Variants in PCLO observed in about 807,000 individuals in gnomAD.
PCLO encodes piccolo presynaptic cytomatrix protein.
Under a neutral mutation model 427.5 loss-of-function variants are expected in PCLO, and 82 were observed. The observed-to-expected ratio is 0.19, with a 90% CI of 0.16 to 0.23. The LOEUF is 0.23. Among genes scored for constraint, PCLO ranks in the 10% least tolerant of loss-of-function variants. The probability of loss-of-function intolerance (pLI) is 1.00; values close to 1 mark genes in which losing one functional copy is unlikely to be tolerated. For missense variants in PCLO, 6,239 were observed against 6,115.9 expected (o/e 1.02, Z -0.67); for synonymous variants, 2,357 against 2,155.4 (o/e 1.09, Z -2.59).
At position 82,993,549 on chromosome 7, in the gene PCLO, T is replaced by C. The variant is rs529519627; in HGVS notation, c.3301-27062A>G. 3.9e-5 allele frequency among the ~76,000 whole-genome samples: 6 copies of C among 152,160 alleles called. 1 individual carries two copies. Among genetic ancestry groups the C allele is most frequent in the African/African-American group, 1.4e-4 (6 of 41,544 alleles). Reference sequence around the variant, plus strand: ...CGGTAGGAAAAATAGTGGAAATAATTAACAAGCAGCAAATGAGACTTTTTT... The same window carrying C: ...CGGTAGGAAAAATAGTGGAAATAATCAACAAGCAGCAAATGAGACTTTTTT... On this transcript the variant is annotated intron_variant, in intron 3 of 24. Transcript: ENST00000333891.
At chr7:82,771,259 A>C (rs1053391429) in intron 22 of PCLO, among the ~76,000 whole-genome samples, 1 of 151,874 alleles carries the variant, frequency 6.6e-6, no homozygotes, top group Non-Finnish European at 1.5e-5. Flanking sequence ...AATGACTATA[A>C]ATGTTTGAGT....
Position 83,157,036 on chromosome 7 carries a change from T to C in PCLO, c.249-644A>G, listed in dbSNP as rs182978382. The stretch of plus-strand genomic sequence containing the variant: ...CAGGAATGCTAAAAAGTTTATAATC[T>C]ATTTAATTTTACTTGGGCTTCTAGT... On this transcript the variant is annotated intron_variant, in intron 1 of 24. Transcript: ENST00000333891. Among the ~76,000 whole-genome samples, 981 of 152,304 alleles carry C rather than the reference T, an allele frequency of 6.4e-3. 9 individuals carry two copies. Among genetic ancestry groups the C allele is most frequent in the Middle Eastern group, 0.01 (3 of 294 alleles).
chr7:82,976,990 G>A (rs554752033), intron 3 of PCLO, among the ~76,000 whole-genome samples: 17 of 152,198 alleles, frequency 1.1e-4, no homozygotes, highest in Admixed American at 9.2e-4. Context: ...AAAGTTCTGG[G>A]ATTACAGGTA....
intron 9 of PCLO, among the ~76,000 whole-genome samples, chr7:82,900,505 T>C (rs1794011644): frequency 6.6e-6 from 1 of 151,176 alleles, no homozygotes; most frequent in Non-Finnish European, 1.5e-5. Flanking sequence ...TGAAATTTCA[T>C]TAACTTGGAA....
At chr7:82,833,640 A>T (rs534574419) in intron 16 of PCLO, among the ~76,000 whole-genome samples, 1 of 152,286 alleles carries the variant, frequency 6.6e-6, no homozygotes, top group East Asian at 1.9e-4. Context: ...TTAATTTTCT[A>T]TATAGTATTT....
intron 3 of PCLO, among the ~76,000 whole-genome samples, chr7:82,971,178 A>C (rs892840239): frequency 1.3e-5 from 2 of 151,860 alleles, no homozygotes; most frequent in Non-Finnish European, 3.0e-5. Flanking sequence ...AAATCAATTA[A>C]ACAAAATTAT....
intron 20 of PCLO, chr7:82,820,629 T>C (rs1791769240): frequency 1.6e-6 from 2 of 1,230,380 alleles, no homozygotes; most frequent in Non-Finnish European, 2.0e-6. Context: ...TAAAGGTAAA[T>C]GAGTGCATTA....
intron 3 of PCLO, among the ~76,000 whole-genome samples, chr7:83,120,471 C>A (rs907422207): frequency 2.0e-5 from 3 of 149,718 alleles, no homozygotes; most frequent in Admixed American, 6.7e-5. Context: ...AGAAAGTTAC[C>A]AATATTCAAG....
rs1562877140 is a variant in PCLO, at chr7:82,951,211, G to C, written c.9377C>G (p.Ala3126Gly). The stretch of plus-strand genomic sequence containing the variant: ...GTGCATGGCAGGTAATGAAGTCACT[G>C]CATCAGCCGTATGAATACCAGACAA... ...RDLSGIHTAD[A>G]VTSLPAMHHS... The change falls in exon 6 of 25, where the codon GCA (alanine) becomes GGA (glycine). Residue 3126 changes from alanine (A) to glycine (G), a missense_variant. Around this residue, in one of 5 missense-constraint regions of PCLO, gnomAD observed 4,677 missense variants for 4,468.4 expected, o/e 1.05. Coordinates refer to ENST00000333891, the MANE Select transcript of PCLO (RefSeq NM_033026.6). The C allele has an allele frequency of 6.2e-7, 1 of 1,613,592 alleles. No individual in the cohort carries two copies. The highest frequency in any genetic ancestry group is 2.2e-5 in the East Asian group (1 of 44,838).
In PCLO at chr7:82,759,440, T is replaced by C. The variant is rs201534918; in HGVS notation, c.15289-725A>G. ...TTCCAGATATGACTATCTCTTCTGG[T>C]TTCTGGTTCAGGGATTTCAAGTGAC... is the stretch of plus-strand genomic sequence containing the variant. On this transcript the variant is annotated intron_variant, in intron 24 of 24. Transcript: ENST00000333891. Among the ~76,000 whole-genome samples the C allele has an allele frequency of 6.6e-5, 10 of 152,022 alleles. No homozygotes were observed. In the East Asian group the frequency reaches 1.9e-3, roughly 29 times the overall value.
At chr7:83,056,538 C>T (rs1185209925) in intron 3 of PCLO, among the ~76,000 whole-genome samples, 3 of 152,186 alleles carry the variant, frequency 2.0e-5, no homozygotes, top group Non-Finnish European at 4.4e-5. Flanking sequence ...CATGAGTGGT[C>T]AGAACCGTCA....
At chr7:82,859,499 CCA>C (rs1387479814) in intron 10 of PCLO, among the ~76,000 whole-genome samples, 1 of 152,234 alleles carries the variant, frequency 6.6e-6, no homozygotes, top group East Asian at 1.9e-4. Context: ...TTGTGCTACA[CCA>C]CCAAGGTTGT....
In PCLO at chr7:82,755,459, T is replaced by A. The variant is rs1790298845; in HGVS notation, c.*3116A>T. On this transcript the variant is annotated 3_prime_UTR_variant, in exon 25 of 25. Transcript: ENST00000333891. ...TGACTATTCTATATTCCCTGTCTTTTGTAAAAAATTCACTCTGTGCTTTTG... is the reference window on the plus strand; with the variant it reads ...TGACTATTCTATATTCCCTGTCTTTAGTAAAAAATTCACTCTGTGCTTTTG... The A allele has an allele frequency of 2.0e-5, 3 of 152,142 alleles. No homozygotes were observed. 9.4% of individuals were successfully genotyped at this position (152,142 alleles called of 1,614,324 possible). A position where few individuals can be genotyped will look rare whatever the true frequency, so the allele number is the denominator to read the frequency against.
At chr7:83,124,249 G>A (rs985519994) in intron 3 of PCLO, among the ~76,000 whole-genome samples, 9 of 151,592 alleles carry the variant, frequency 5.9e-5, no homozygotes, top group African/African-American at 1.7e-4. Context: ...CCAGGAAGGC[G>A]GAGCTTGCAG....
At chr7:83,032,993 TAGTG>T (rs759948501) in intron 3 of PCLO, among the ~76,000 whole-genome samples, 1 of 152,086 alleles carries the variant, frequency 6.6e-6, no homozygotes, top group South Asian at 2.1e-4. Context: ...GTTCTTGTGA[TAGTG>T]AGGGAGTTCT....
chr7:83,063,379 C>T (rs1789586452), intron 3 of PCLO, among the ~76,000 whole-genome samples: 1 of 152,044 alleles, frequency 6.6e-6, no homozygotes, highest in Non-Finnish European at 1.5e-5. Context: ...TTTATGATGT[C>T]TGACTTGTGA....
At position 82,953,114 on chromosome 7, in the gene PCLO, C is replaced by A; in HGVS notation, c.7839G>T (p.Leu2613=). 6.2e-7 allele frequency: 1 copy of A among 1,613,852 alleles called. No homozygotes were observed. The highest frequency in any genetic ancestry group is 1.1e-5 in the South Asian group (1 of 91,084). The change falls in exon 5 of 25, where the codon CTG becomes CTT. Residue 2613 remains leucine (L), a synonymous_variant. Transcript: ENST00000333891. ...CAGAAAACACAGGTTCAACAGAAAC[C>A]AGATCTTTGGAGGGTGATCCCAAGG... is the stretch of plus-strand genomic sequence containing the variant. ...SWPLGSPSKD[L]VSVEPVFSVV...
chr7:82,832,465 G>A (rs1032478981), intron 16 of PCLO, among the ~76,000 whole-genome samples: 10 of 151,982 alleles, frequency 6.6e-5, no homozygotes, highest in African/African-American at 1.7e-4. Context: ...ATGTTAGCCC[G>A]GATGGTCTTG....
Position 82,841,503 on chromosome 7 carries a change from C to T in PCLO, c.14053G>A (p.Asp4685Asn), listed in dbSNP as rs369280378. 52 of 1,575,394 alleles carry T rather than the reference C, an allele frequency of 3.3e-5. 1 individual carries two copies. The Middle Eastern group carries it at 5.0e-4, about 15-fold the overall frequency. The change falls in exon 14 of 25, where the codon GAT becomes AAT. Residue 4685 changes from aspartate to asparagine, a missense_variant. Coordinates refer to ENST00000333891, the MANE Select transcript of PCLO (RefSeq NM_033026.6). Reference sequence around the variant, plus strand: ...GGATGAGAGACAACCTTTGTTCCATCGGTAGGCTGTAATATTAAAGAACAT... The same window carrying T: ...GGATGAGAGACAACCTTTGTTCCATTGGTAGGCTGTAATATTAAAGAACAT... ...KKKHGSSKPTDGTKVVSHPIT... is the reference protein window; with the variant it reads ...KKKHGSSKPTNGTKVVSHPIT...
Sources: allele counts gnomAD v4.1 joint callset (sites outside exome capture counted in the v4.1 genomes callset), GRCh38; gene constraint gnomAD v4.1.1; regional missense constraint gnomAD v4.1.1; transcripts MANE v1.5; gene names NCBI Gene and HGNC (gene_info 2026-07-23, HGNC 2026-07-21).